Variants in CPSF2 observed in about 807,000 individuals in gnomAD.
The protein encoded by CPSF2 is cleavage and polyadenylation specific factor 2.
A neutral mutation model predicts 84.2 loss-of-function variants in CPSF2; 51 were observed. The observed-to-expected ratio is 0.61, with a 90% CI of 0.48 to 0.77. CPSF2 has a LOEUF of 0.77. Ranked by LOEUF, CPSF2 falls within the 30% of genes least tolerant of loss-of-function variation. The pLI is 0.00. For missense variants in CPSF2, 641 were observed against 929.4 expected (o/e 0.69, Z 4.03); for synonymous variants, 286 against 311.9 (o/e 0.92, Z 0.87).
At chr14:92,135,675 T>TAA (rs1229556527) in intron 6 of CPSF2, among the ~76,000 whole-genome samples, 179 bp downstream of exon 6, 24 of 152,236 alleles carry the variant, frequency 1.6e-4, no homozygotes, top group Non-Finnish European at 3.5e-4. Flanking sequence ...AAGTATGGTA[T>TAA]AAGACATAAG....
At position 92,170,935 on chromosome 14, in the gene CPSF2, A is replaced by T. The variant is rs890231151; in HGVS notation, c.*9191A>T. On this transcript the variant is annotated 3_prime_UTR_variant, in exon 16 of 16. Transcript: ENST00000298875. Reference sequence around the variant, plus strand: ...GTTTTTTGGTATAAACTTAAAAAGTACAGCATGATGTTTTGGTATATGTAT... The same window carrying T: ...GTTTTTTGGTATAAACTTAAAAAGTTCAGCATGATGTTTTGGTATATGTAT... 6.6e-6 allele frequency: 1 copy of T among 152,196 alleles called. No homozygotes were observed. Among genetic ancestry groups the T allele is most frequent in the African/African-American group, 2.4e-5 (1 of 41,444 alleles). The allele number at this position is 152,196 out of a possible 1,614,324, so 9.4% of individuals were successfully genotyped here.
chr14:92,145,090 T>C (rs1248539598), intron 9 of CPSF2, among the ~76,000 whole-genome samples: 1 of 152,250 alleles, frequency 6.6e-6, no homozygotes, highest in Non-Finnish European at 1.5e-5. Context: ...TCATTAAAGT[T>C]TGTAGCAATT....
chr14:92,151,721 A>T (rs1185368414), intron 9 of CPSF2, among the ~76,000 whole-genome samples: 2 of 152,098 alleles, frequency 1.3e-5, no homozygotes, highest in Non-Finnish European at 2.9e-5. Flanking sequence ...GCTAGACATT[A>T]AAGAGATTTG....
intron 9 of CPSF2, among the ~76,000 whole-genome samples, chr14:92,145,709 G>A (rs532416204): frequency 3.1e-4 from 47 of 152,108 alleles, no homozygotes; most frequent in Middle Eastern, 6.8e-3. Flanking sequence ...ATTCAATTAG[G>A]TCTAATAAAC....
At chr14:92,124,676 A>G (rs548767437) in intron 1 of CPSF2, among the ~76,000 whole-genome samples, 5 of 152,314 alleles carry the variant, frequency 3.3e-5, no homozygotes, top group African/African-American at 4.8e-5. Flanking sequence ...ACATGTAGCT[A>G]TTGAGCACTT....
intron 1 of CPSF2, 112 bp downstream of exon 1, chr14:92,122,240 C>T (rs2068779352): frequency 1.1e-5 from 3 of 282,350 alleles, no homozygotes; most frequent in Admixed American, 4.9e-5. Context: ...AGGACTCGCC[C>T]CCGCCGCTTC....
rs1397873960 is a variant in CPSF2, at chr14:92,166,456, C to T, written c.*4712C>T. The T allele has an allele frequency of 6.6e-6, 1 of 152,108 alleles. No homozygotes were observed. Among genetic ancestry groups the T allele is most frequent in the Non-Finnish European group, 1.5e-5 (1 of 68,072 alleles). The allele number at this position is 152,108 out of a possible 1,614,324, so 9.4% of individuals were successfully genotyped here. A position where few individuals can be genotyped will look rare whatever the true frequency, so the allele number is the denominator to read the frequency against. Reference sequence around the variant, plus strand: ...CAGCCTTCTGGCCTCAAGCAGTCCTCCCACCTCAGCCTCCCAAGTAGCTGA... The same window carrying T: ...CAGCCTTCTGGCCTCAAGCAGTCCTTCCACCTCAGCCTCCCAAGTAGCTGA... On this transcript the variant is annotated 3_prime_UTR_variant, in exon 16 of 16. Coordinates refer to ENST00000298875, the MANE Select transcript of CPSF2 (RefSeq NM_017437.3).
rs2069509214 is a variant in CPSF2 at position 92,170,894 on chromosome 14, T to G, written c.*9150T>G. The stretch of plus-strand genomic sequence containing the variant: ...TCAAGATTTCTCCACTGTTAGTATT[T>G]TCTCCACTTGTATTTGTTTTTTGGT... On this transcript the variant is annotated 3_prime_UTR_variant, in exon 16 of 16. Transcript: ENST00000298875. The G allele has an allele frequency of 6.6e-6, 1 of 152,212 alleles. No individual in the cohort carries two copies. Among genetic ancestry groups the G allele is most frequent in the Non-Finnish European group, 1.5e-5 (1 of 68,042 alleles). The allele number at this position is 152,212 out of a possible 1,614,324, so 9.4% of individuals were successfully genotyped here.
rs2069262430 is a variant in CPSF2 at position 92,154,420 on chromosome 14, A to G, written c.1203A>G (p.Leu401=). 6.2e-7 allele frequency: 1 copy of G among 1,610,520 alleles called. No individual in the cohort carries two copies. Among genetic ancestry groups the G allele is most frequent in the Non-Finnish European group, 8.5e-7 (1 of 1,178,864 alleles). Reference sequence around the variant, plus strand: ...AAGAATACTTGGAAAAAGAGAAACTAAAGAAAGAAGCTGCCAAAAAGCTTG... The same window carrying G: ...AAGAATACTTGGAAAAAGAGAAACTGAAGAAAGAAGCTGCCAAAAAGCTTG... ...ELEEYLEKEK[L]KKEAAKKLEQ... Residue 401 remains leucine (L), a synonymous_variant, in exon 10 of 16, where the codon CTA becomes CTG. Transcript: ENST00000298875.
At chr14:92,131,577 G>A (rs1007663150) in intron 3 of CPSF2, among the ~76,000 whole-genome samples, 2 of 152,086 alleles carry the variant, frequency 1.3e-5, no homozygotes, top group African/African-American at 4.8e-5. Context: ...AGTGGCTCAC[G>A]CTGGCAATCC....
At chr14:92,132,913 A>T (rs1595052303) in intron 3 of CPSF2, among the ~76,000 whole-genome samples, 1 of 151,868 alleles carries the variant, frequency 6.6e-6, no homozygotes, top group African/African-American at 2.4e-5. Flanking sequence ...CAACATGGTG[A>T]AAGTGTGTCT....
At chr14:92,142,431 G>A in intron 8 of CPSF2, 80 bp downstream of exon 8, 1 of 1,115,764 alleles carries the variant, frequency 9.0e-7, no homozygotes, top group South Asian at 1.8e-5. Flanking sequence ...AATGTTTTTT[G>A]GATTTTATTT....
chr14:92,123,524 A>G (rs1054737725), intron 1 of CPSF2, among the ~76,000 whole-genome samples: 2 of 152,056 alleles, frequency 1.3e-5, no homozygotes, highest in African/African-American at 4.8e-5. Flanking sequence ...TCAGCCTCCC[A>G]AGTAGCTGGG....
rs1165526406 is a variant in CPSF2 at position 92,161,541 on chromosome 14, A to C, written c.2257-111A>C. ...TATCCATATGCTGTGAATCAGAGCA[A>C]CCCATGTCCTGACCAATCATAAAGT... On this transcript the variant is annotated intron_variant, in intron 15 of 15. Coordinates refer to ENST00000298875, the MANE Select transcript of CPSF2 (RefSeq NM_017437.3). The C allele has an allele frequency of 5.7e-6, 4 of 702,788 alleles. No homozygotes were observed. In the African/African-American group the frequency reaches 7.5e-5, roughly 13 times the overall value. The allele number at this position is 702,788 out of a possible 1,614,324, so 43.5% of individuals were successfully genotyped here.
chr14:92,133,385 A>G (rs760720535), intron 3 of CPSF2, among the ~76,000 whole-genome samples: 2 of 152,118 alleles, frequency 1.3e-5, no homozygotes, highest in Non-Finnish European at 2.9e-5. Flanking sequence ...GCGTCATTGC[A>G]CTCCAGCCTG....
In CPSF2 at chr14:92,170,474, A is replaced by G. The variant is rs918282347; in HGVS notation, c.*8730A>G. 3.3e-5 allele frequency: 5 copies of G among 152,236 alleles called. No individual in the cohort carries two copies. The highest frequency in any genetic ancestry group is 1.2e-4 in the African/African-American group (5 of 41,472). 9.4% of individuals were successfully genotyped at this position (152,236 alleles called of 1,614,324 possible). On this transcript the variant is annotated 3_prime_UTR_variant, in exon 16 of 16. Transcript: ENST00000298875. Reference sequence around the variant, plus strand: ...AGGAAACCAGCATTGATAAAATTCTACCATTTGATCCACGAACCCCATTCA... The same window carrying G: ...AGGAAACCAGCATTGATAAAATTCTGCCATTTGATCCACGAACCCCATTCA...
intron 9 of CPSF2, among the ~76,000 whole-genome samples, chr14:92,148,131 C>G (rs61976584): frequency 0.16 from 24,741 of 152,044 alleles, 2,269 homozygotes; most frequent in East Asian, 0.4. Context: ...CTGGGCAGCC[C>G]CTGAACTAGA....
At chr14:92,149,148 T>C (rs943871814) in intron 9 of CPSF2, among the ~76,000 whole-genome samples, 9 of 152,218 alleles carry the variant, frequency 5.9e-5, no homozygotes, top group Non-Finnish European at 1.2e-4. Context: ...GCCTTTTCAC[T>C]GTGCCTACAT....
Position 92,161,242 on chromosome 14 carries a change from G to A in CPSF2, c.2252G>A (p.Arg751His), listed in dbSNP as rs2069367784. The A allele has an allele frequency of 8.7e-6, 14 of 1,610,308 alleles. No homozygotes were observed. The highest frequency in any genetic ancestry group is 1.3e-5 in the African/African-American group (1 of 74,680). Residue 751 changes from arginine to histidine, a missense_variant, in exon 15 of 16, where the codon CGC (arginine) becomes CAC (histidine). Arg to His is a conservative substitution (Grantham distance 29, BLOSUM62 0). Around this residue, in one of 2 missense-constraint regions of CPSF2, gnomAD observed 430 missense variants for 553.6 expected, o/e 0.78. Transcript: ENST00000298875. ...GTTTGCAACAATCAAGTAGCAGTCC[G>A]CAGAGTAAGTGTGTTTTCAATAAGG... is the stretch of plus-strand genomic sequence containing the variant. Reference protein sequence around the residue: ...VLVCNNQVAVRRTETGRIGLE... With the variant: ...VLVCNNQVAVHRTETGRIGLE...
Sources: gnomAD v4.1 joint callset for allele counts (sites outside exome capture counted in the v4.1 genomes callset) on GRCh38, gnomAD v4.1.1 for gene constraint, gnomAD v4.1.1 regional missense constraint, MANE v1.5 for transcripts, NCBI Gene and HGNC (gene_info 2026-07-23, HGNC 2026-07-21) for gene names.